SEC14L1: variants seen among roughly 807,000 people sequenced by gnomAD.
SEC14L1 encodes SEC14 like lipid binding 1.
Under a neutral mutation model 85.3 loss-of-function variants are expected in SEC14L1, and 48 were observed. The observed-to-expected ratio is 0.56, with a 90% confidence interval of 0.45 to 0.72. SEC14L1 has a LOEUF of 0.72. Among genes scored for constraint, SEC14L1 ranks in the 30% least tolerant of loss-of-function variants. The probability of loss-of-function intolerance (pLI) is 0.00; values close to 1 mark genes in which losing one functional copy is unlikely to be tolerated. For missense variants in SEC14L1, 682 were observed against 921.4 expected, an observed-to-expected ratio of 0.74 and a Z score of 3.36; for synonymous variants, 391 against 355.5, an observed-to-expected ratio of 1.10 and a Z score of -1.12.
chr17:77,102,456 G>A (rs1971799628), intron 3 of SEC14L1, among the ~76,000 whole-genome samples: 1 of 152,098 alleles, frequency 6.6e-6, no homozygotes, highest in South Asian at 2.1e-4. Flanking sequence ...ATTCTGAAAG[G>A]ATATGGAAGT....
intron 3 of SEC14L1, among the ~76,000 whole-genome samples, chr17:77,149,241 G>C (rs1364855934): frequency 6.6e-6 from 1 of 152,170 alleles, no homozygotes; most frequent in Non-Finnish European, 1.5e-5. Flanking sequence ...ATACTATTTT[G>C]TGTGTCCTTC....
intron 3 of SEC14L1, among the ~76,000 whole-genome samples, chr17:77,184,536 A>C (rs1006901080): frequency 2.0e-5 from 3 of 152,060 alleles, no homozygotes; most frequent in Admixed American, 1.3e-4. Flanking sequence ...TGTTCAAATT[A>C]TCCCAGACTT....
At chr17:77,128,792 G>C (rs550039959) in intron 3 of SEC14L1, among the ~76,000 whole-genome samples, 3 of 152,090 alleles carry the variant, frequency 2.0e-5, no homozygotes, top group African/African-American at 4.8e-5. Flanking sequence ...CTTTCTGAAC[G>C]TGAAGGGGTG....
rs34186028 is a variant in SEC14L1 at position 77,158,798 on chromosome 17, C to CTTTTTTTTTTTTTTTTTTTTTTTT, written c.63+15149_63+15172dup. Among the ~76,000 whole-genome samples, 11 of 39,242 alleles carry CTTTTTTTTTTTTTTTTTTTTTTTT rather than the reference C, an allele frequency of 2.8e-4. 3 individuals are homozygous for CTTTTTTTTTTTTTTTTTTTTTTTT. Among genetic ancestry groups the CTTTTTTTTTTTTTTTTTTTTTTTT allele is most frequent in the Non-Finnish European group, 4.5e-4 (10 of 22,438 alleles). The allele number at this position is 39,242 out of a possible 152,430, so 25.7% of individuals were successfully genotyped here. A position where few individuals can be genotyped will look rare whatever the true frequency, so the allele number is the denominator to read the frequency against. ...CAATTACATTTTATAGCTTTCTTTC[C>CTTTTTTTTTTTTTTTTTTTTTTTT]TTTTTTTTTTTTTTTTTTTTTTTTT... On this transcript the variant is annotated intron_variant, in intron 3 of 16. Coordinates refer to ENST00000436233, the MANE Select transcript of SEC14L1 (RefSeq NM_001143998.2).
At chr17:77,157,509 G>A (rs1973863095) in intron 3 of SEC14L1, among the ~76,000 whole-genome samples, 1 of 151,860 alleles carries the variant, frequency 6.6e-6, no homozygotes, top group South Asian at 2.1e-4. Context: ...TAGGAAGAAA[G>A]GAGGGTGGTT....
At chr17:77,202,909 ACTCT>A (rs1216195914) in intron 9 of SEC14L1, among the ~76,000 whole-genome samples, 1 of 148,694 alleles carries the variant, frequency 6.7e-6, no homozygotes, top group Non-Finnish European at 1.5e-5. Flanking sequence ...ACAGGGAGAG[ACTCT>A]CTCTCTAAAA....
intron 3 of SEC14L1, among the ~76,000 whole-genome samples, chr17:77,185,003 G>T (rs1165000956): frequency 6.6e-6 from 1 of 152,182 alleles, no homozygotes; most frequent in Non-Finnish European, 1.5e-5. Context: ...AATTGTGTAT[G>T]CTGACAGTAT....
chr17:77,109,148 C>T (rs1367361811), intron 3 of SEC14L1, among the ~76,000 whole-genome samples: 1 of 150,944 alleles, frequency 6.6e-6, no homozygotes, highest in African/African-American at 2.4e-5. Flanking sequence ...AGACTAAGGG[C>T]TGAAGAAAGC....
chr17:77,114,053 C>T (rs1972112113), intron 3 of SEC14L1, among the ~76,000 whole-genome samples: 1 of 152,158 alleles, frequency 6.6e-6, no homozygotes, highest in Non-Finnish European at 1.5e-5. Flanking sequence ...CTGCTAAATG[C>T]GGGTGCAAAT....
In SEC14L1 at chr17:77,196,239, C is replaced by T. The variant is rs774263893; in HGVS notation, c.747C>T (p.Gly249=). The T allele has an allele frequency of 7.4e-6, 12 of 1,613,920 alleles. No homozygotes were observed. Among genetic ancestry groups the T allele is most frequent in the South Asian group, 4.4e-5 (4 of 91,076 alleles). The stretch of plus-strand genomic sequence containing the variant: ...CCGACTACATCAAGAGATACCTGGG[C>T]GATTTGACTCCGCTGCAGGAGAGCT... ...LDADYIKRYL[G]DLTPLQESCL... The change falls in exon 8 of 17, where the codon GGC becomes GGT. Residue 249 remains glycine (G), a synonymous_variant. Coordinates refer to ENST00000436233, the MANE Select transcript of SEC14L1 (RefSeq NM_001143998.2).
intron 14 of SEC14L1, chr17:77,209,754 A>T: frequency 3.2e-6 from 1 of 313,282 alleles, no homozygotes; most frequent in Non-Finnish European, 5.9e-6. Context: ...AAACACAGAG[A>T]TAGGAATAGC....
At chr17:77,101,394 TC>T (rs1343444056) in intron 3 of SEC14L1, among the ~76,000 whole-genome samples, 2 of 152,058 alleles carry the variant, frequency 1.3e-5, no homozygotes, top group Admixed American at 1.3e-4. Context: ...GCCAGGCTGG[TC>T]CCGAACTCCT....
Position 77,206,766 on chromosome 17 carries a change from C to T in SEC14L1, c.1380C>T (p.Phe460=). ...PFIDDNTRRK[F]LIYAGNDYQG... ...TTGATGACAACACCAGAAGGAAGTT[C>T]CTCATTTATGCAGGAAATGACTACC... Residue 460 remains phenylalanine (F), a synonymous_variant, in exon 13 of 17, where the codon TTC becomes TTT. Coordinates refer to ENST00000436233, the MANE Select transcript of SEC14L1 (RefSeq NM_001143998.2). This position sits in a 1 kb window ranked among gnomAD's most constrained non-coding sequence, Gnocchi z 4.3. 3 of 1,612,530 alleles carry T rather than the reference C, an allele frequency of 1.9e-6. No individual in the cohort carries two copies. The highest frequency in any genetic ancestry group is 2.5e-6 in the Non-Finnish European group (3 of 1,179,558).
Position 77,143,286 on chromosome 17 carries a change from G to C in SEC14L1, c.-30-281G>C, listed in dbSNP as rs182229336. Among the ~76,000 whole-genome samples the C allele has an allele frequency of 3.1e-3, 477 of 152,290 alleles. 2 individuals are homozygous for C. Among genetic ancestry groups the C allele is most frequent in the African/African-American group, 0.011 (447 of 41,536 alleles). On this transcript the variant is annotated intron_variant, in intron 2 of 16. Transcript: ENST00000436233. ...AAGGACTCAGGTCAGGTCATGTAAT[G>C]AATGCAGAGTCCCAGTAAGCCAATG...
chr17:77,107,611 A>C (rs544591799), intron 3 of SEC14L1, among the ~76,000 whole-genome samples: 1 of 145,184 alleles, frequency 6.9e-6, no homozygotes, highest in African/African-American at 2.8e-5. Flanking sequence ...CCAGGTCAGA[A>C]GATCCCCACC....
chr17:77,118,861 G>T (rs1415463297), intron 3 of SEC14L1, among the ~76,000 whole-genome samples: 1 of 152,164 alleles, frequency 6.6e-6, no homozygotes, highest in African/African-American at 2.4e-5. Context: ...GCTTAGCATG[G>T]GAAAGAAATA....
At chr17:77,163,776 G>GT (rs1974171199) in intron 3 of SEC14L1, among the ~76,000 whole-genome samples, 1 of 152,154 alleles carries the variant, frequency 6.6e-6, no homozygotes, top group African/African-American at 2.4e-5. Context: ...CCAGCCTTCC[G>GT]TTTTTTCTTC....
Position 77,214,088 on chromosome 17 carries a change from C to T in SEC14L1, c.*65C>T, listed in dbSNP as rs1976918927. 4 of 1,567,698 alleles carry T rather than the reference C, an allele frequency of 2.6e-6. No homozygotes were observed. Among genetic ancestry groups the T allele is most frequent in the Admixed American group, 1.8e-5 (1 of 54,506 alleles). ...GCCCCTCCTCGGACAGCCAGCTGCACCCGCCCACCCAGCGGCGACATTGTA... is the reference window on the plus strand; with the variant it reads ...GCCCCTCCTCGGACAGCCAGCTGCATCCGCCCACCCAGCGGCGACATTGTA... On this transcript the variant is annotated 3_prime_UTR_variant, in exon 17 of 17. Coordinates refer to ENST00000436233, the MANE Select transcript of SEC14L1 (RefSeq NM_001143998.2).
intron 3 of SEC14L1, among the ~76,000 whole-genome samples, chr17:77,145,867 C>T (rs2143534915): frequency 6.6e-6 from 1 of 152,284 alleles, no homozygotes; most frequent in South Asian, 2.1e-4. Flanking sequence ...AGCCTTCTAC[C>T]CCGCCACCAG....
Sources: allele counts gnomAD v4.1 joint callset (sites outside exome capture counted in the v4.1 genomes callset), GRCh38; gene constraint gnomAD v4.1.1; non-coding constraint Gnocchi (gnomAD v3.1); transcripts MANE v1.5; gene names NCBI Gene and HGNC (gene_info 2026-07-23, HGNC 2026-07-21).